Variants in ACOXL observed in about 807,000 individuals in gnomAD.
The protein encoded by ACOXL is acyl-CoA oxidase like.
Under a neutral mutation model 71.9 loss-of-function variants are expected in ACOXL, and 70 were observed. The observed-to-expected ratio is 0.97, with a 90% CI of 0.80 to 1.19. The LOEUF is 1.19. ACOXL is among the 50% of genes most tolerant of loss of function. The probability of loss-of-function intolerance (pLI) is 0.00; values close to 1 mark genes in which losing one functional copy is unlikely to be tolerated. For synonymous variants in ACOXL, 253 were observed against 281.6 expected, an observed-to-expected ratio of 0.90 and a Z score of 1.02; for missense variants, 703 against 736.3, an observed-to-expected ratio of 0.95 and a Z score of 0.52.
At chr2:110,949,680 C>T (rs777110038) in intron 12 of ACOXL, among the ~76,000 whole-genome samples, 4 of 152,122 alleles carry the variant, frequency 2.6e-5, no homozygotes, top group Non-Finnish European at 5.9e-5. Context: ...CCCTGACATT[C>T]TCTTGAGTCC....
chr2:111,047,881 G>T (rs72836315), intron 15 of ACOXL, among the ~76,000 whole-genome samples: 9,712 of 152,178 alleles, frequency 0.064, 398 homozygotes, highest in African/African-American at 0.1. Flanking sequence ...ATTTAAACTT[G>T]GAAGAAATAA....
Position 110,989,784 on chromosome 2 carries a change from G to A in ACOXL, c.1169+2567G>A, listed in dbSNP as rs571891261. Among the ~76,000 whole-genome samples the A allele has an allele frequency of 4.6e-5, 7 of 152,266 alleles. No individual in the cohort carries two copies. In the East Asian group the frequency reaches 7.7e-4, roughly 17 times the overall value. ...ATGGGCTGGGCACAGTGGCTTATGC[G>A]TGTATCAGCACTTTGGGAGGCTGAG... On this transcript the variant is annotated intron_variant, in intron 13 of 17. Transcript: ENST00000439055.
chr2:111,027,144 A>T (rs1463469839), intron 14 of ACOXL, among the ~76,000 whole-genome samples: 2 of 151,858 alleles, frequency 1.3e-5, no homozygotes, highest in Non-Finnish European at 2.9e-5. Flanking sequence ...TGATCCACCC[A>T]CCTCAGCCTC....
intron 9 of ACOXL, among the ~76,000 whole-genome samples, chr2:110,821,687 T>C (rs113391445): frequency 5.3e-5 from 8 of 152,234 alleles, no homozygotes; most frequent in African/African-American, 1.9e-4. Context: ...TGAGGAGTTA[T>C]GTTCCACCTC....
intron 12 of ACOXL, among the ~76,000 whole-genome samples, chr2:110,975,513 A>G (rs376096187): frequency 6.6e-6 from 1 of 152,206 alleles, no homozygotes; most frequent in Admixed American, 6.5e-5. Context: ...TTTTCTAAAA[A>G]TAAGAATCTT....
chr2:110,738,447 C>G (rs1041209584), intron 1 of ACOXL, among the ~76,000 whole-genome samples: 1 of 152,194 alleles, frequency 6.6e-6, no homozygotes, highest in Non-Finnish European at 1.5e-5. Flanking sequence ...AAAATGTTTA[C>G]TGTTCAATTG....
At chr2:110,768,538 G>GT in intron 2 of ACOXL, 74 bp downstream of exon 2, 3 of 1,325,058 alleles carry the variant, frequency 2.3e-6, no homozygotes, top group African/African-American at 1.6e-5. Flanking sequence ...GAGAGAGAGA[G>GT]TTTTTTTCTC....
intron 13 of ACOXL, 131 bp downstream of exon 13, chr2:110,987,348 C>T: frequency 1.3e-6 from 1 of 768,184 alleles, no homozygotes; most frequent in Non-Finnish European, 2.1e-6. Context: ...ATCTGTGAAT[C>T]TGTAAAATGA....
chr2:110,963,723 G>C, intron 12 of ACOXL: 1 of 1,613,520 alleles, frequency 6.2e-7, no homozygotes. Context: ...GGTAAGATTC[G>C]GGAAATGTTT....
intron 1 of ACOXL, among the ~76,000 whole-genome samples, chr2:110,744,563 T>G (rs777338131): frequency 6.6e-6 from 1 of 152,072 alleles, no homozygotes; most frequent in Non-Finnish European, 1.5e-5. Context: ...TCACGTCCCC[T>G]CCCTACATTA....
rs748819798 is a variant in ACOXL at position 111,031,613 on chromosome 2, T to C, written c.1282-14T>C. 14 of 1,613,054 alleles carry C rather than the reference T, an allele frequency of 8.7e-6. No individual in the cohort carries two copies. Among genetic ancestry groups the C allele is most frequent in the Non-Finnish European group, 1.2e-5 (14 of 1,178,980 alleles). ...ATATCCTCAATGGTGATTTTTCTTC[T>C]GTCGATTGGACAGGTAAAGACCAAG... On this transcript the variant is annotated splice_polypyrimidine_tract_variant and intron_variant, in intron 14 of 17. Coordinates refer to ENST00000439055, the MANE Select transcript of ACOXL (RefSeq NM_001142807.4).
chr2:110,767,923 AAC>A (rs58524964), intron 1 of ACOXL, among the ~76,000 whole-genome samples: 10,329 of 114,136 alleles, frequency 0.09, 517 homozygotes, highest in African/African-American at 0.13. Flanking sequence ...GTCTCTACTA[AAC>A]ACACACACAC....
At chr2:110,887,242 A>T in intron 10 of ACOXL, 1 of 173,386 alleles carries the variant, frequency 5.8e-6, no homozygotes, top group Non-Finnish European at 1.2e-5. Context: ...GTATAGGACC[A>T]GACCACTGAT....
intron 10 of ACOXL, among the ~76,000 whole-genome samples, chr2:110,908,363 C>T (rs771582248): frequency 2.0e-5 from 3 of 152,152 alleles, no homozygotes; most frequent in Non-Finnish European, 4.4e-5. Flanking sequence ...ACAGGAGCAC[C>T]AGGGTTAATG....
At chr2:111,114,391 T>C (rs961860201) in intron 17 of ACOXL, 2 of 152,230 alleles carry the variant, frequency 1.3e-5, no homozygotes, top group African/African-American at 4.8e-5. Context: ...CACAGTGACA[T>C]GTTCCCCATA....
At chr2:111,040,582 C>T (rs1269741107) in intron 15 of ACOXL, among the ~76,000 whole-genome samples, 1 of 152,142 alleles carries the variant, frequency 6.6e-6, no homozygotes, top group East Asian at 1.9e-4. Flanking sequence ...GAGATGAGAG[C>T]CCCCATAGAC....
chr2:110,784,818 G>T lies in ACOXL; in HGVS notation c.159+3G>T. On this transcript the variant is annotated splice_donor_region_variant and intron_variant, in intron 3 of 17. Transcript: ENST00000439055. ...CGGACATGGCCACAGGAGTGAAGGT[G>T]AGAGGCGCCGGGCACCTGCCCTTCA... 1 of 1,598,894 alleles carries T rather than the reference G, an allele frequency of 6.3e-7. No individual in the cohort carries two copies. Among genetic ancestry groups the T allele is most frequent in the South Asian group, 1.1e-5 (1 of 88,290 alleles).
intron 12 of ACOXL, among the ~76,000 whole-genome samples, chr2:110,941,119 C>A (rs919954709): frequency 6.6e-6 from 1 of 152,172 alleles, no homozygotes; most frequent in African/African-American, 2.4e-5. Flanking sequence ...TTCATGCAAG[C>A]ACCTCATAGC....
chr2:110,986,744 A>C (rs956456518), intron 12 of ACOXL, among the ~76,000 whole-genome samples: 14 of 152,240 alleles, frequency 9.2e-5, no homozygotes, highest in Non-Finnish European at 1.5e-4. Context: ...AATTGACCAG[A>C]GAATGTCAGG....
Sources: gnomAD v4.1 joint callset for allele counts (sites outside exome capture counted in the v4.1 genomes callset) on GRCh38, gnomAD v4.1.1 for gene constraint, MANE v1.5 for transcripts, NCBI Gene and HGNC (gene_info 2026-07-23, HGNC 2026-07-21) for gene names.